NDUFA10: variants seen among roughly 807,000 people sequenced by gnomAD.
NDUFA10 encodes NADH dehydrogenase [ubiquinone] 1 alpha subcomplex subunit 10, mitochondrial.
In NDUFA10, 40 loss-of-function variants were observed where a neutral mutation model predicts 47.8. The observed-to-expected ratio is 0.84, with a 90% CI of 0.65 to 1.09. NDUFA10 has a LOEUF of 1.09. Among genes scored for constraint, NDUFA10 ranks in the 50% least tolerant of loss-of-function variants. The pLI is 0.00. For missense variants in NDUFA10, 413 were observed against 451.1 expected, an observed-to-expected ratio of 0.92 and a Z score of 0.76; for synonymous variants, 183 against 172.2, an observed-to-expected ratio of 1.06 and a Z score of -0.49.
At chr2:240,015,050 C>A (rs1191144237) in intron 4 of NDUFA10, among the ~76,000 whole-genome samples, 190 bp from the exon 5 acceptor site, 1 of 152,208 alleles carries the variant, frequency 6.6e-6, no homozygotes, top group Non-Finnish European at 1.5e-5. Flanking sequence ...CTCCAGGTGC[C>A]ACGGGGCATG....
chr2:239,899,689 C>T (rs1022710030), intron 4 of NDUFA10, among the ~76,000 whole-genome samples: 2 of 152,094 alleles, frequency 1.3e-5, no homozygotes, highest in African/African-American at 4.8e-5. Context: ...GGCCACCCTG[C>T]ACATCCCTGA....
intron 9 of NDUFA10, chr2:239,982,215 C>T: frequency 5.6e-6 from 9 of 1,612,788 alleles, no homozygotes; most frequent in Non-Finnish European, 7.6e-6. Context: ...GTAGGGGATC[C>T]CCAGCTACAA....
At position 239,991,989 on chromosome 2, in the gene NDUFA10, ATC is replaced by A. The variant is rs569581345; in HGVS notation, c.891-1809_891-1808del. 6.8e-4 allele frequency among the ~76,000 whole-genome samples: 103 copies of A among 152,370 alleles called. 3 individuals carry two copies. Among genetic ancestry groups the A allele is most frequent in the African/African-American group, 2.4e-3 (98 of 41,584 alleles). ...ACTATTTTTGAAGATTAAAAAAAGA[ATC>A]TGTTGCAATGATTCTACAATTTATT... On this transcript the variant is annotated intron_variant, in intron 8 of 9. Coordinates refer to ENST00000252711, the MANE Select transcript of NDUFA10 (RefSeq NM_004544.4).
Position 239,960,319 on chromosome 2 carries a change from T to A in NDUFA10, c.*799A>T. 1.0e-6 allele frequency: 1 copy of A among 985,614 alleles called. No individual in the cohort carries two copies. The highest frequency in any genetic ancestry group is 1.2e-6 in the Non-Finnish European group (1 of 830,082). 61.1% of individuals were successfully genotyped at this position (985,614 alleles called of 1,614,324 possible). A position where few individuals can be genotyped will look rare whatever the true frequency, so the allele number is the denominator to read the frequency against. ...GCTTCAACAGAGATGAATAAAGAAATCTGATTTTCTTTCTCATTTCTCAGT... is the reference window on the plus strand; with the variant it reads ...GCTTCAACAGAGATGAATAAAGAAAACTGATTTTCTTTCTCATTTCTCAGT... On this transcript the variant is annotated 3_prime_UTR_variant, in exon 10 of 10. Transcript: ENST00000252711.
chr2:239,935,158 G>A (rs890374719), intron 4 of NDUFA10, among the ~76,000 whole-genome samples: 1 of 152,112 alleles, frequency 6.6e-6, no homozygotes, highest in African/African-American at 2.4e-5. Flanking sequence ...ATTGAACGGG[G>A]TGCCTCCCTC....
chr2:239,933,413 G>A lies in NDUFA10; in HGVS notation c.295-38099C>T, dbSNP rs1340456659. Among the ~76,000 whole-genome samples, 6 of 152,186 alleles carry A rather than the reference G, an allele frequency of 3.9e-5. No individual in the cohort carries two copies. The East Asian group carries it at 9.6e-4, about 24-fold the overall frequency. ...ATACCTGAGGACAAAGGCTGCAGCC[G>A]GGCCTGGGGAGCGACCTGGAGCCAG... On this transcript the variant is annotated intron_variant, in intron 4 of 5. Coordinates refer to the NDUFA10 transcript ENST00000419408.
chr2:239,980,598 G>C (rs2106427027), intron 9 of NDUFA10, among the ~76,000 whole-genome samples: 1 of 152,274 alleles, frequency 6.6e-6, no homozygotes, highest in Non-Finnish European at 1.5e-5. Flanking sequence ...AGGGTTTCCA[G>C]TTATAAAGAA....
intron 2 of NDUFA10, among the ~76,000 whole-genome samples, 159 bp from the exon 3 acceptor site, chr2:240,021,571 G>A (rs946090104): frequency 3.9e-5 from 6 of 152,186 alleles, no homozygotes; most frequent in Non-Finnish European, 8.8e-5. Flanking sequence ...GTTTCATCAC[G>A]TATGAAGGGA....
chr2:239,934,240 A>G (rs891378494), intron 4 of NDUFA10, among the ~76,000 whole-genome samples: 33 of 152,310 alleles, frequency 2.2e-4, no homozygotes, highest in African/African-American at 7.7e-4. Context: ...ACACTGTCCC[A>G]TGAACTCTGC....
chr2:239,918,323 T>G (rs10188651), intron 4 of NDUFA10, among the ~76,000 whole-genome samples: 34,254 of 152,134 alleles, frequency 0.23, 5,367 homozygotes, highest in African/African-American at 0.45. Flanking sequence ...GACTGGACAC[T>G]GGACATACAT....
chr2:240,005,545 T>TG (rs1324990298), intron 7 of NDUFA10, among the ~76,000 whole-genome samples: 1 of 151,946 alleles, frequency 6.6e-6, no homozygotes, highest in East Asian at 1.9e-4. Flanking sequence ...TTAGTAGAGA[T>TG]GGGGTCTCAC....
intron 4 of NDUFA10, among the ~76,000 whole-genome samples, chr2:239,950,122 G>A (rs960016427): frequency 8.5e-5 from 13 of 152,166 alleles, no homozygotes; most frequent in African/African-American, 2.4e-4. Flanking sequence ...GTGGGCTCAC[G>A]AAGTGGTGGC....
intron 9 of NDUFA10, 87 bp from the exon 10 acceptor site, chr2:239,961,273 C>T (rs146757010): frequency 6.2e-7 from 1 of 1,601,998 alleles, no homozygotes; most frequent in Non-Finnish European, 8.5e-7. Flanking sequence ...CCGGCAGATG[C>T]CTGTACTTCA....
At chr2:240,005,398 G>T in intron 7 of NDUFA10, 103 bp from the exon 8 acceptor site, 2 of 902,370 alleles carry the variant, frequency 2.2e-6, no homozygotes, top group African/African-American at 1.6e-5. Context: ...ATCCAGGCTG[G>T]AAAGTAGTGG....
rs947156803 is a variant in NDUFA10 at position 239,905,442 on chromosome 2, C to T, written c.295-10128G>A. Among the ~76,000 whole-genome samples the T allele has an allele frequency of 8.5e-5, 13 of 152,340 alleles. No individual in the cohort carries two copies. The East Asian group carries it at 9.7e-4, about 11-fold the overall frequency. On this transcript the variant is annotated intron_variant, in intron 4 of 5. Coordinates refer to the NDUFA10 transcript ENST00000419408. ...GATTTGCACCGGGACTCTCGGCTAC[C>T]GAGGTGGAGCAGGGCATGCGTATGT...
chr2:239,982,224 A>C (rs750973540), intron 9 of NDUFA10: 6 of 1,612,662 alleles, frequency 3.7e-6, no homozygotes, highest in Non-Finnish European at 4.2e-6. Flanking sequence ...CCCCAGCTAC[A>C]AGGTTAGACG....
chr2:239,956,061 G>A (rs1042618217), downstream of NDUFA10, among the ~76,000 whole-genome samples: 2 of 152,146 alleles, frequency 1.3e-5, no homozygotes, highest in African/African-American at 2.4e-5. Flanking sequence ...GGCAGGGACT[G>A]GGAGTTTCTG....
chr2:240,001,134 T>C (rs144612463), intron 8 of NDUFA10, among the ~76,000 whole-genome samples: 131 of 152,340 alleles, frequency 8.6e-4, no homozygotes, highest in African/African-American at 2.8e-3. Flanking sequence ...GAAAAAAATA[T>C]GAATAGCATC....
At chr2:240,006,456 T>G (rs1696951921) in intron 7 of NDUFA10, among the ~76,000 whole-genome samples, 1 of 152,176 alleles carries the variant, frequency 6.6e-6, no homozygotes, top group Non-Finnish European at 1.5e-5. Flanking sequence ...GAGAGGCAAC[T>G]GAAGCACGCT....
Sources: allele counts gnomAD v4.1 joint callset (sites outside exome capture counted in the v4.1 genomes callset), GRCh38; gene constraint gnomAD v4.1.1; transcripts MANE v1.5; gene names NCBI Gene and HGNC (gene_info 2026-07-23, HGNC 2026-07-21).